C1GALT1: variants seen among roughly 807,000 people sequenced by gnomAD.
The protein encoded by C1GALT1 is core 1 synthase, glycoprotein-N-acetylgalactosamine 3-beta-galactosyltransferase 1.
Under a neutral mutation model 31.0 loss-of-function variants are expected in C1GALT1, and 11 were observed. The observed-to-expected ratio is 0.36, with a 90% confidence interval of 0.22 to 0.59. C1GALT1 has a LOEUF of 0.59. Ranked by LOEUF, C1GALT1 falls within the 20% of genes least tolerant of loss-of-function variation. C1GALT1 has a pLI of 0.79. For synonymous variants in C1GALT1, 175 were observed against 143.6 expected, an observed-to-expected ratio of 1.22 and a Z score of -1.56; for missense variants, 424 against 425.2, an observed-to-expected ratio of 1.00 and a Z score of 0.03.
At chr7:7,174,472 G>C (rs554985211) in intron 2 of C1GALT1, among the ~76,000 whole-genome samples, 1 of 152,220 alleles carries the variant, frequency 6.6e-6, no homozygotes, top group African/African-American at 2.4e-5. Context: ...AACCAGGTGT[G>C]GTGGCCCATG....
chr7:7,215,762 G>C (rs1199972726), intron 1 of C1GALT1, among the ~76,000 whole-genome samples: 1 of 151,992 alleles, frequency 6.6e-6, no homozygotes, highest in Non-Finnish European at 1.5e-5. Context: ...AGAGCTGCCT[G>C]TTTTAGCTGC....
chr7:7,171,889 A>C (rs905109333), intron 2 of C1GALT1, among the ~76,000 whole-genome samples: 2 of 152,118 alleles, frequency 1.3e-5, no homozygotes, highest in African/African-American at 4.8e-5. Context: ...TTCCCCCTTT[A>C]TATTGTTAAT....
At chr7:7,169,490 C>T (rs2128227197) in intron 2 of C1GALT1, among the ~76,000 whole-genome samples, 1 of 152,076 alleles carries the variant, frequency 6.6e-6, no homozygotes, top group South Asian at 2.1e-4. Context: ...TGCAAATGTT[C>T]CAATTTCTCC....
intron 1 of C1GALT1, among the ~76,000 whole-genome samples, chr7:7,192,668 CCAGTAGT>C (rs1201665304): frequency 2.0e-5 from 3 of 151,876 alleles, no homozygotes; most frequent in African/African-American, 7.3e-5. Context: ...GGGTAGATAC[CCAGTAGT>C]GGGATTGCTG....
At chr7:7,234,717 A>G in intron 2 of C1GALT1, 178 bp downstream of exon 2, 1 of 535,772 alleles carries the variant, frequency 1.9e-6, no homozygotes, top group Non-Finnish European at 3.3e-6. Context: ...GGAATAAGAT[A>G]TTAATTTTGA....
chr7:7,229,406 C>T (rs1200231652), intron 1 of C1GALT1, among the ~76,000 whole-genome samples: 1 of 152,062 alleles, frequency 6.6e-6, no homozygotes, highest in Admixed American at 6.6e-5. Context: ...TTGTCTTCCT[C>T]CATAAGAAAT....
chr7:7,186,353 T>C (rs1583743309), intron 1 of C1GALT1, among the ~76,000 whole-genome samples: 1 of 152,184 alleles, frequency 6.6e-6, no homozygotes, highest in African/African-American at 2.4e-5. Flanking sequence ...GTCCTGGAGA[T>C]AAAACAGTGG....
intron 2 of C1GALT1, among the ~76,000 whole-genome samples, chr7:7,174,089 C>T (rs1161102162): frequency 3.9e-5 from 6 of 152,004 alleles, no homozygotes; most frequent in Admixed American, 3.9e-4. Context: ...CCCCACACGG[C>T]CTTTCCTCGT....
chr7:7,223,887 C>CCATT (rs1193390966), intron 1 of C1GALT1, among the ~76,000 whole-genome samples: 1 of 152,040 alleles, frequency 6.6e-6, no homozygotes, highest in African/African-American at 2.4e-5. Flanking sequence ...ATTAAGTGTA[C>CCATT]CATTAGCTGT....
intron 2 of C1GALT1, among the ~76,000 whole-genome samples, chr7:7,161,815 C>T (rs1160205084): frequency 6.6e-6 from 1 of 152,054 alleles, no homozygotes; most frequent in Non-Finnish European, 1.5e-5. Context: ...ATGGTAGGTG[C>T]TATTTCAAGT....
intron 1 of C1GALT1, among the ~76,000 whole-genome samples, chr7:7,189,860 G>A (rs149529050): frequency 8.7e-4 from 132 of 152,116 alleles, no homozygotes; most frequent in African/African-American, 3.0e-3. Context: ...TTACTAGAAA[G>A]TAAGGATCCA....
upstream of C1GALT1, among the ~76,000 whole-genome samples, chr7:7,181,327 G>A (rs922560192): frequency 2.7e-5 from 4 of 146,370 alleles, no homozygotes; most frequent in Non-Finnish European, 4.5e-5. Flanking sequence ...GAGAATGGAC[G>A]TAATCATGTA....
At chr7:7,159,708 C>G (rs1245459712) in intron 2 of C1GALT1, among the ~76,000 whole-genome samples, 1 of 152,110 alleles carries the variant, frequency 6.6e-6, no homozygotes, top group Non-Finnish European at 1.5e-5. Flanking sequence ...TTTTCTTTAT[C>G]TGCAATCTTT....
chr7:7,194,455 T>C (rs1297559100), intron 1 of C1GALT1, among the ~76,000 whole-genome samples: 1 of 152,184 alleles, frequency 6.6e-6, no homozygotes, highest in Non-Finnish European at 1.5e-5. Flanking sequence ...TTTTTAATTG[T>C]TTATGTGGTA....
chr7:7,216,050 G>A (rs938580267), intron 1 of C1GALT1, among the ~76,000 whole-genome samples: 1 of 151,928 alleles, frequency 6.6e-6, no homozygotes, highest in African/African-American at 2.4e-5. Context: ...GATCTGAGTT[G>A]ATCTTACAAC....
At chr7:7,171,013 T>C (rs1192736771) in intron 2 of C1GALT1, among the ~76,000 whole-genome samples, 2 of 152,204 alleles carry the variant, frequency 1.3e-5, no homozygotes, top group Admixed American at 1.3e-4. Context: ...TTTATTCACT[T>C]GTTTTGTGGC....
At chr7:7,170,726 G>T (rs1258695873) in intron 2 of C1GALT1, among the ~76,000 whole-genome samples, 1 of 152,202 alleles carries the variant, frequency 6.6e-6, no homozygotes, top group African/African-American at 2.4e-5. Context: ...AGGTTGCAGT[G>T]AGCCAAGATC....
chr7:7,233,627 A>G (rs955928606), intron 1 of C1GALT1, among the ~76,000 whole-genome samples: 5 of 152,180 alleles, frequency 3.3e-5, no homozygotes, highest in African/African-American at 4.8e-5. Context: ...TATTGCCTCT[A>G]TTGTAGCTAT....
chr7:7,201,218 C>A (rs193190086), intron 1 of C1GALT1, among the ~76,000 whole-genome samples: 46 of 152,312 alleles, frequency 3.0e-4, no homozygotes, highest in Non-Finnish European at 5.7e-4. Context: ...GGTTTTCCTT[C>A]TAACAGTCAG....
Sources: gnomAD v4.1 joint callset for allele counts (sites outside exome capture counted in the v4.1 genomes callset) on GRCh38, gnomAD v4.1.1 for gene constraint, MANE v1.5 for transcripts, NCBI Gene and HGNC (gene_info 2026-07-23, HGNC 2026-07-21) for gene names.